The following CADM2 variants were observed in gnomAD, a reference collection of about 807,000 sequenced individuals.
CADM2 encodes immunoglobulin superfamily member 4D.
In CADM2, 12 loss-of-function variants were observed where a neutral mutation model predicts 49.8. The ratio of observed to expected loss-of-function variants is 0.24; its 90% CI spans 0.15 to 0.39. The LOEUF is 0.39. CADM2 is among the 10% of genes least tolerant of loss of function. The probability of loss-of-function intolerance (pLI) is 1.00; values close to 1 mark genes in which losing one functional copy is unlikely to be tolerated. For missense variants in CADM2, 378 were observed against 492.3 expected (o/e 0.77, Z 2.20); for synonymous variants, 214 against 175.4 (o/e 1.22, Z -1.74).
intron 1 of CADM2, among the ~76,000 whole-genome samples, chr3:85,605,755 T>A (rs2063522672): frequency 6.6e-6 from 1 of 152,094 alleles, no homozygotes; most frequent in African/African-American, 2.4e-5. Context: ...TTCCAATTTT[T>A]CTGTCTCCTC....
chr3:85,183,384 G>A (rs1287729352), intron 1 of CADM2, among the ~76,000 whole-genome samples: 2 of 151,914 alleles, frequency 1.3e-5, no homozygotes, highest in Admixed American at 1.3e-4. Context: ...TATCCTATAA[G>A]AAAGCATGAA....
intron 2 of CADM2, among the ~76,000 whole-genome samples, chr3:85,797,188 A>G (rs2071680796): frequency 6.6e-6 from 1 of 152,078 alleles, no homozygotes; most frequent in African/African-American, 2.4e-5. Flanking sequence ...ATAGCAATAA[A>G]CATTCTCTTC....
chr3:85,782,385 C>T (rs1030937212), intron 2 of CADM2, among the ~76,000 whole-genome samples: 3 of 152,084 alleles, frequency 2.0e-5, no homozygotes, highest in Admixed American at 6.6e-5. Context: ...AAGAAATACA[C>T]TCCATTTCTT....
At chr3:85,099,248 T>G (rs184961744) in intron 1 of CADM2, among the ~76,000 whole-genome samples, 1 of 152,238 alleles carries the variant, frequency 6.6e-6, no homozygotes, top group Admixed American at 6.5e-5. Context: ...TCCTGAAACT[T>G]ACCCAGAGAG....
intron 7 of CADM2, among the ~76,000 whole-genome samples, chr3:85,951,547 T>A (rs972199318): frequency 3.3e-5 from 5 of 151,042 alleles, no homozygotes; most frequent in Non-Finnish European, 7.4e-5. Context: ...CTATTTTCAA[T>A]ATTATGTTAA....
chr3:84,964,357 T>C (rs1051142580), intron 1 of CADM2, among the ~76,000 whole-genome samples: 1 of 152,200 alleles, frequency 6.6e-6, no homozygotes, highest in Non-Finnish European at 1.5e-5. Context: ...AAGTAGTCTG[T>C]GGTATATCAA....
chr3:85,279,995 T>G (rs1324738556), intron 1 of CADM2, among the ~76,000 whole-genome samples: 1 of 151,684 alleles, frequency 6.6e-6, no homozygotes, highest in Non-Finnish European at 1.5e-5. Context: ...CCTTTACTCA[T>G]TGTTTCTTTT....
chr3:85,318,690 C>G (rs1012298640), intron 1 of CADM2, among the ~76,000 whole-genome samples: 1 of 152,064 alleles, frequency 6.6e-6, no homozygotes, highest in Admixed American at 6.6e-5. Context: ...AGAAAATACA[C>G]TTGCTTTATT....
intron 1 of CADM2, among the ~76,000 whole-genome samples, chr3:85,212,881 TC>T (rs1559723880): frequency 0.013 from 1,702 of 134,360 alleles, 92 homozygotes; most frequent in African/African-American, 0.055. Context: ...TTTCTTTCTT[TC>T]TTTCTCTTTC....
intron 1 of CADM2, among the ~76,000 whole-genome samples, chr3:85,621,723 A>G (rs960711663): frequency 1.3e-5 from 2 of 152,128 alleles, no homozygotes; most frequent in African/African-American, 4.8e-5. Flanking sequence ...TGTGATTTGG[A>G]TAATGAACAC....
chr3:85,918,067 G>C (rs1035246005), intron 6 of CADM2, among the ~76,000 whole-genome samples: 1 of 152,102 alleles, frequency 6.6e-6, no homozygotes, highest in African/African-American at 2.4e-5. Context: ...AGACGATGGG[G>C]TTTTCTAGAT....
At chr3:84,973,696 C>A (rs560968933) in intron 1 of CADM2, among the ~76,000 whole-genome samples, 1 of 151,308 alleles carries the variant, frequency 6.6e-6, no homozygotes, top group African/African-American at 2.4e-5. Flanking sequence ...TCTGATGTTA[C>A]CAGCAACATT....
At chr3:85,486,281 C>T (rs1233960698) in intron 1 of CADM2, among the ~76,000 whole-genome samples, 3 of 150,522 alleles carry the variant, frequency 2.0e-5, no homozygotes, top group African/African-American at 2.4e-5. Flanking sequence ...CAAAGGTATA[C>T]ATTTTTATAG....
At chr3:85,191,169 C>T (rs964470440) in intron 1 of CADM2, among the ~76,000 whole-genome samples, 1 of 151,840 alleles carries the variant, frequency 6.6e-6, no homozygotes, top group African/African-American at 2.4e-5. Context: ...AAAGTTACAT[C>T]CTCCTAACTA....
At chr3:85,590,975 A>G (rs963198415) in intron 1 of CADM2, among the ~76,000 whole-genome samples, 2 of 148,480 alleles carry the variant, frequency 1.3e-5, no homozygotes, top group Non-Finnish European at 3.0e-5. Context: ...GTTGATTGGT[A>G]TTTTGTAGTG....
At chr3:85,600,282 G>T (rs2063353636) in intron 1 of CADM2, among the ~76,000 whole-genome samples, 1 of 151,794 alleles carries the variant, frequency 6.6e-6, no homozygotes, top group South Asian at 2.1e-4. Context: ...GCTTTTTCAG[G>T]TGAACTAGCT....
intron 3 of CADM2, among the ~76,000 whole-genome samples, chr3:85,819,494 C>T (rs73845680): frequency 0.051 from 7,780 of 152,106 alleles, 565 homozygotes; most frequent in African/African-American, 0.16. Context: ...AACTAATTCC[C>T]GATTTTCAAA....
intron 8 of CADM2, among the ~76,000 whole-genome samples, chr3:86,018,686 T>C (rs929677825): frequency 7.2e-5 from 11 of 152,190 alleles, no homozygotes; most frequent in Non-Finnish European, 1.5e-4. Flanking sequence ...TTTTGAGAAG[T>C]GTCTGTTCAT....
At chr3:85,047,048 A>G (rs899814306) in intron 1 of CADM2, among the ~76,000 whole-genome samples, 1 of 152,194 alleles carries the variant, frequency 6.6e-6, no homozygotes, top group Non-Finnish European at 1.5e-5. Context: ...AAATCAAGGT[A>G]TGTAATAAGC....
Sources: allele counts gnomAD v4.1 joint callset (sites outside exome capture counted in the v4.1 genomes callset), GRCh38; gene constraint gnomAD v4.1.1; transcripts MANE v1.5; gene names NCBI Gene and HGNC (gene_info 2026-07-23, HGNC 2026-07-21).